MAPK8: variants seen among roughly 807,000 people sequenced by gnomAD.
MAPK8 encodes the protein JUN N-terminal kinase.
Under a neutral mutation model 52.9 loss-of-function variants are expected in MAPK8, and 13 were observed. The observed-to-expected ratio is 0.25, with a 90% CI of 0.16 to 0.39. The LOEUF (loss-of-function observed/expected upper bound fraction) is 0.39, where lower values mean the gene tolerates loss of function less well. Ranked by LOEUF, MAPK8 falls within the 10% of genes least tolerant of loss-of-function variation. MAPK8 has a pLI of 1.00. For synonymous variants in MAPK8, 191 were observed against 169.8 expected (o/e 1.12, Z -0.97); for missense variants, 300 against 519.2 (o/e 0.58, Z 4.10).
At chr10:48,405,092 C>T in intron 3 of MAPK8, 111 bp downstream of exon 3, 1 of 435,198 alleles carries the variant, frequency 2.3e-6, no homozygotes, top group South Asian at 4.6e-5. Flanking sequence ...TGTATTAAAA[C>T]ATTGTTTAAA....
intron 1 of MAPK8, among the ~76,000 whole-genome samples, chr10:48,370,884 C>T (rs1390395936): frequency 1.3e-5 from 2 of 152,032 alleles, no homozygotes; most frequent in African/African-American, 2.4e-5. Flanking sequence ...TATAATTGAA[C>T]CCATAAATTT....
intron 1 of MAPK8, among the ~76,000 whole-genome samples, chr10:48,354,541 A>G (rs1846658876): frequency 6.6e-6 from 1 of 152,220 alleles, no homozygotes; most frequent in African/African-American, 2.4e-5. Flanking sequence ...ACTTGTTAAA[A>G]CAAAGATTGC....
At chr10:48,408,811 A>G (rs2042597947) in intron 3 of MAPK8, among the ~76,000 whole-genome samples, 1 of 152,194 alleles carries the variant, frequency 6.6e-6, no homozygotes, top group African/African-American at 2.4e-5. Flanking sequence ...TGGGAAGTTC[A>G]AGATCAAGTT....
chr10:48,358,314 G>A (rs961485299), intron 1 of MAPK8, among the ~76,000 whole-genome samples: 3 of 152,144 alleles, frequency 2.0e-5, no homozygotes, highest in Non-Finnish European at 2.9e-5. Flanking sequence ...TATCCACATC[G>A]TGGTCAGAGC....
intron 7 of MAPK8, among the ~76,000 whole-genome samples, chr10:48,424,797 A>G (rs1192439079): frequency 2.6e-5 from 4 of 152,096 alleles, no homozygotes; most frequent in Non-Finnish European, 5.9e-5. Flanking sequence ...ATTATGCACA[A>G]TTACTTGCTG....
At chr10:48,346,494 A>T (rs1264394496) in intron 1 of MAPK8, among the ~76,000 whole-genome samples, 2 of 152,368 alleles carry the variant, frequency 1.3e-5, no homozygotes, top group Non-Finnish European at 2.9e-5. Context: ...ATCGTGGTCC[A>T]GCAGTAGCAA....
intron 1 of MAPK8, among the ~76,000 whole-genome samples, chr10:48,327,500 G>A (rs1843650358): frequency 6.6e-6 from 1 of 152,050 alleles, no homozygotes; most frequent in African/African-American, 2.4e-5. Context: ...TTTTGTTGAG[G>A]ATTTTTGTTA....
At chr10:48,364,201 A>G (rs1847824177) in intron 1 of MAPK8, among the ~76,000 whole-genome samples, 1 of 152,170 alleles carries the variant, frequency 6.6e-6, no homozygotes, top group South Asian at 2.1e-4. Flanking sequence ...AAATACCAGG[A>G]TGACTAAAGA....
intron 1 of MAPK8, among the ~76,000 whole-genome samples, chr10:48,384,716 G>A (rs1331307618): frequency 1.3e-5 from 2 of 152,224 alleles, no homozygotes; most frequent in African/African-American, 4.8e-5. Context: ...CAGATTATTA[G>A]TAGGACTTTT....
intron 1 of MAPK8, among the ~76,000 whole-genome samples, chr10:48,374,848 A>T (rs1369720535): frequency 6.6e-6 from 1 of 152,204 alleles, no homozygotes; most frequent in African/African-American, 2.4e-5. Flanking sequence ...AAACTACTCC[A>T]AACAATAGAA....
intron 1 of MAPK8, among the ~76,000 whole-genome samples, chr10:48,372,632 A>G (rs1250825014): frequency 6.6e-6 from 1 of 152,078 alleles, no homozygotes; most frequent in Non-Finnish European, 1.5e-5. Flanking sequence ...TCAGAGATTG[A>G]AGATTAACTC....
intron 1 of MAPK8, among the ~76,000 whole-genome samples, chr10:48,394,916 T>A (rs2132891526): frequency 6.6e-6 from 1 of 152,008 alleles, no homozygotes; most frequent in South Asian, 2.1e-4. Context: ...GAAATTTAAA[T>A]ACAAACAAAT....
rs2044773552 is a variant in MAPK8 at position 48,435,394 on chromosome 10, A to G, written c.*365A>G. On this transcript the variant is annotated 3_prime_UTR_variant, in exon 12 of 12. Coordinates refer to ENST00000374189, the MANE Select transcript of MAPK8 (RefSeq NM_001323329.2). ...GCAACTATTATGTGGTGACTTGCCT[A>G]TATCATGAATTATTTAAGATTTTTA... 5.8e-6 allele frequency: 1 copy of G among 173,602 alleles called. No individual in the cohort carries two copies. The highest frequency in any genetic ancestry group is 1.6e-4 in the East Asian group (1 of 6,440). 10.8% of individuals were successfully genotyped at this position (173,602 alleles called of 1,614,324 possible). A position where few individuals can be genotyped will look rare whatever the true frequency, so the allele number is the denominator to read the frequency against.
chr10:48,326,621 T>C (rs1221042717), intron 1 of MAPK8, among the ~76,000 whole-genome samples: 1 of 152,218 alleles, frequency 6.6e-6, no homozygotes, highest in African/African-American at 2.4e-5. Context: ...GAAATATCTG[T>C]ATATCTATGT....
In MAPK8 at chr10:48,435,049, G is replaced by A; in HGVS notation, c.*20G>A. ...AGATGACTACTTGGGCCATCGGGGG[G>A]TGGGAGGGATGGGGAGTCGGTTAGT... On this transcript the variant is annotated 3_prime_UTR_variant, in exon 12 of 12. Transcript: ENST00000374189. 4.8e-6 allele frequency: 7 copies of A among 1,463,302 alleles called. No homozygotes were observed. The highest frequency in any genetic ancestry group is 1.3e-5 in the South Asian group (1 of 75,718). 90.6% of individuals were successfully genotyped at this position (1,463,302 alleles called of 1,614,324 possible).
chr10:48,410,212 A>G (rs766340072), intron 5 of MAPK8, 44 bp downstream of exon 5: 1 of 1,440,944 alleles, frequency 6.9e-7, no homozygotes, highest in Non-Finnish European at 9.1e-7. Context: ...TTTCTCATTG[A>G]GGTGAAATTC....
At chr10:48,426,645 A>G (rs2043701903) in intron 9 of MAPK8, 141 bp downstream of exon 9, 2 of 776,640 alleles carry the variant, frequency 2.6e-6, no homozygotes, top group South Asian at 1.8e-5. Context: ...CATGAAGACT[A>G]CGTCAAATAA....
intron 5 of MAPK8, among the ~76,000 whole-genome samples, chr10:48,411,978 G>A (rs1005649203): frequency 6.6e-6 from 1 of 151,810 alleles, no homozygotes; most frequent in African/African-American, 2.4e-5. Flanking sequence ...CCAAGTAGCT[G>A]GGATTACAGG....
Position 48,322,087 on chromosome 10 carries a change from T to A in MAPK8, c.-50+15266T>A, listed in dbSNP as rs187302463. On this transcript the variant is annotated intron_variant, in intron 1 of 11. Coordinates refer to ENST00000374189, the MANE Select transcript of MAPK8 (RefSeq NM_001323329.2). ...CAGGTAATATACAGAGAAGACAGGTTAGAGGGTCTGTCTGTGAGTGTATGA... is the reference window on the plus strand; with the variant it reads ...CAGGTAATATACAGAGAAGACAGGTAAGAGGGTCTGTCTGTGAGTGTATGA... Among the ~76,000 whole-genome samples, 252 of 152,342 alleles carry A rather than the reference T, an allele frequency of 1.7e-3. 4 individuals carry two copies. The highest frequency in any genetic ancestry group is 0.011 in the South Asian group (52 of 4,828).
Sources: gnomAD v4.1 joint callset for allele counts (sites outside exome capture counted in the v4.1 genomes callset) on GRCh38, gnomAD v4.1.1 for gene constraint, MANE v1.5 for transcripts, NCBI Gene and HGNC (gene_info 2026-07-23, HGNC 2026-07-21) for gene names.